The following SLC43A2 variants were observed in gnomAD, a reference collection of about 807,000 sequenced individuals.
SLC43A2 encodes large neutral amino acids transporter small subunit 4.
A neutral mutation model predicts 63.2 loss-of-function variants in SLC43A2; 38 were observed. That is an observed-to-expected ratio of 0.60 (90% CI 0.46 to 0.79). SLC43A2 has a LOEUF of 0.79. SLC43A2 is among the 30% of genes least tolerant of loss of function. SLC43A2 has a pLI of 0.00. For missense variants in SLC43A2, 644 were observed against 756.2 expected (o/e 0.85, Z 1.74); for synonymous variants, 322 against 331.0 (o/e 0.97, Z 0.30).
intron 10 of SLC43A2, among the ~76,000 whole-genome samples, chr17:1,584,452 A>G (rs1598439589): frequency 6.6e-6 from 1 of 152,108 alleles, no homozygotes; most frequent in East Asian, 1.9e-4. Context: ...GATACTGTGC[A>G]TGGAGTCCTC....
chr17:1,600,100 C>CT (rs200335951), intron 5 of SLC43A2, among the ~76,000 whole-genome samples: 1,816 of 88,752 alleles, frequency 0.02, 19 homozygotes, highest in African/African-American at 0.03. Flanking sequence ...GTTAATCTTT[C>CT]TTTTTTTTTT....
intron 5 of SLC43A2, among the ~76,000 whole-genome samples, chr17:1,594,792 G>A (rs982363086): frequency 2.6e-5 from 4 of 151,632 alleles, no homozygotes; most frequent in Non-Finnish European, 4.4e-5. Flanking sequence ...GTTTCACCAC[G>A]TTAGCCAGGA....
Position 1,591,672 on chromosome 17 carries a change from TGAA to T in SLC43A2, c.619_621del (p.Phe207del), listed in dbSNP as rs1481479171. 7.0e-7 allele frequency: 1 copy of T among 1,432,364 alleles called. No individual in the cohort carries two copies. The allele number at this position is 1,432,364 out of a possible 1,614,324, so 88.7% of individuals were successfully genotyped here. On this transcript the variant is annotated inframe_deletion, in exon 7 of 14. Coordinates refer to ENST00000301335, the MANE Select transcript of SLC43A2 (RefSeq NM_152346.3). ...CCGGCCCAGACCACGAGGACGACGA[TGAA>T]GGAGACACCAGCATCATAGATGAGC... is the stretch of plus-strand genomic sequence containing the variant.
intron 2 of SLC43A2, among the ~76,000 whole-genome samples, 170 bp downstream of exon 2, chr17:1,627,545 G>C (rs553725295): frequency 2.6e-5 from 4 of 152,128 alleles, no homozygotes; most frequent in African/African-American, 9.7e-5. Flanking sequence ...CACAAAACAG[G>C]GGCAATGACA....
chr17:1,614,168 G>A (rs1467791332), intron 4 of SLC43A2, among the ~76,000 whole-genome samples: 9 of 152,220 alleles, frequency 5.9e-5, no homozygotes, highest in Admixed American at 1.3e-4. Flanking sequence ...GCGTGAACCC[G>A]GGAGGTGGAG....
chr17:1,624,477 T>C lies in SLC43A2; in HGVS notation c.160+3238A>G, dbSNP rs551046978. Among the ~76,000 whole-genome samples, 693 of 151,218 alleles carry C rather than the reference T, an allele frequency of 4.6e-3. 3 individuals are homozygous for C. The highest frequency in any genetic ancestry group is 0.016 in the African/African-American group (654 of 41,048). On this transcript the variant is annotated intron_variant, in intron 2 of 13. Transcript: ENST00000301335. Reference sequence around the variant, plus strand: ...CAGTGCTTTGGGAGGCCAAGGCGGGTGGATCACCTGAGGTCAGGAGTTCGA... The same window carrying C: ...CAGTGCTTTGGGAGGCCAAGGCGGGCGGATCACCTGAGGTCAGGAGTTCGA...
chr17:1,600,152 A>AT (rs1555541181), intron 5 of SLC43A2, among the ~76,000 whole-genome samples: 4 of 60,278 alleles, frequency 6.6e-5, no homozygotes, highest in Non-Finnish European at 9.7e-5. Flanking sequence ...ATATATATAT[A>AT]TTTTTTTTTT....
chr17:1,581,521 G>A (rs1483062976), intron 11 of SLC43A2, among the ~76,000 whole-genome samples: 1 of 152,196 alleles, frequency 6.6e-6, no homozygotes, highest in African/African-American at 2.4e-5. Flanking sequence ...GCACACCTGG[G>A]TGTTCAACGT....
chr17:1,572,267 C>G lies in SLC43A2; in HGVS notation c.*3337G>C. On this transcript the variant is annotated 3_prime_UTR_variant, in exon 14 of 14. Coordinates refer to ENST00000301335, the MANE Select transcript of SLC43A2 (RefSeq NM_152346.3). ...GACCCCCCTGCCACAGAGGCCCCCCCCCCGCCACAGAGGTCCCCCCTGCCA... is the reference window on the plus strand; with the variant it reads ...GACCCCCCTGCCACAGAGGCCCCCCGCCCGCCACAGAGGTCCCCCCTGCCA... The G allele has an allele frequency of 6.9e-6, 1 of 144,144 alleles. No individual in the cohort carries two copies. Among genetic ancestry groups the G allele is most frequent in the East Asian group, 2.2e-4 (1 of 4,478 alleles). The allele number at this position is 144,144 out of a possible 1,614,324, so 8.9% of individuals were successfully genotyped here.
At position 1,627,726 on chromosome 17, in the gene SLC43A2, C is replaced by T; in HGVS notation, c.149G>A (p.Cys50Tyr). Residue 50 changes from cysteine (C) to tyrosine (Y), a missense_variant, in exon 2 of 14, where the codon TGT becomes TAT. Physicochemically the swap from Cys to Tyr is radical, Grantham distance 194. Around this residue, in one of 3 missense-constraint regions of SLC43A2, gnomAD observed 528 missense variants for 623.6 expected, o/e 0.85. Transcript: ENST00000301335. ...GGCGCTTGTCTCACCTGGCTCGGTA[C>T]ACAGGTAGGAGTAAAAGCCCTCTGA... ...LKSEGFYSYL[C>Y]TEPENVTNGT... 2 of 1,493,620 alleles carry T rather than the reference C, an allele frequency of 1.3e-6. No individual in the cohort carries two copies. Among genetic ancestry groups the T allele is most frequent in the Non-Finnish European group, 1.8e-6 (2 of 1,110,696 alleles). The allele number at this position is 1,493,620 out of a possible 1,614,324, so 92.5% of individuals were successfully genotyped here. A position where few individuals can be genotyped will look rare whatever the true frequency, so the allele number is the denominator to read the frequency against.
At chr17:1,629,554 G>C (rs547435055), upstream of SLC43A2, among the ~76,000 whole-genome samples, 178 of 152,336 alleles carry the variant, frequency 1.2e-3, no homozygotes, top group Non-Finnish European at 2.0e-3. Flanking sequence ...TTTGGGGCTG[G>C]TCTGTCCCGT....
intron 5 of SLC43A2, among the ~76,000 whole-genome samples, chr17:1,600,135 A>AATATATATATATATATAT (rs546467041): frequency 7.7e-4 from 37 of 47,886 alleles, no homozygotes; most frequent in African/African-American, 1.4e-3. Flanking sequence ...ATATTAATTG[A>AATATATATATATATATAT]ATATATATAT....
chr17:1,580,874 A>G (rs1433614487), intron 11 of SLC43A2, among the ~76,000 whole-genome samples: 1 of 151,992 alleles, frequency 6.6e-6, no homozygotes, highest in Non-Finnish European at 1.5e-5. Flanking sequence ...AGTAGCTGGG[A>G]CTACAGGTGC....
chr17:1,604,627 G>C (rs1297346641), intron 5 of SLC43A2: 6 of 1,154,990 alleles, frequency 5.2e-6, no homozygotes, highest in Non-Finnish European at 7.3e-6. Context: ...GCCCACCTCA[G>C]CCTCCTGAGC....
intron 2 of SLC43A2, 60 bp downstream of exon 2, chr17:1,627,655 C>CCCCCCCCACCCCAAA: frequency 1.5e-6 from 1 of 665,282 alleles, no homozygotes; most frequent in South Asian, 2.6e-5. Context: ...CGCCCCCATC[C>CCCCCCCCACCCCAAA]CGCCCCCTCC....
chr17:1,592,543 G>A (rs1283890497), intron 6 of SLC43A2, among the ~76,000 whole-genome samples: 8 of 152,164 alleles, frequency 5.3e-5, no homozygotes, highest in Admixed American at 5.2e-4. Flanking sequence ...CCACTTCAAT[G>A]CCCAGGTGGC....
chr17:1,590,351 G>T (rs1046802349), intron 9 of SLC43A2, among the ~76,000 whole-genome samples: 6 of 152,078 alleles, frequency 3.9e-5, no homozygotes, highest in Non-Finnish European at 5.9e-5. Context: ...GCAGATCCCA[G>T]TGTGGGCCAG....
rs1411548252 is a variant in SLC43A2 at position 1,616,591 on chromosome 17, A to T, written c.339T>A (p.Tyr113Ter). 4.3e-6 allele frequency: 7 copies of T among 1,613,572 alleles called. No individual in the cohort carries two copies. Among genetic ancestry groups the T allele is most frequent in the Non-Finnish European group, 5.9e-6 (7 of 1,179,832 alleles). ...TLPLGIVMDK[Y>*]GPRKLRLLGS... ...CCAGCAGCCTGAGCTTCCTCGGGCCATACTTGTCCATGACGATACCCAGGG... is the reference window on the plus strand; with the variant it reads ...CCAGCAGCCTGAGCTTCCTCGGGCCTTACTTGTCCATGACGATACCCAGGG... The change falls in exon 3 of 14, where the codon TAT (tyrosine) becomes TAA (stop). Residue 113 changes from tyrosine (Y) to a stop codon, truncating the protein, a stop_gained. Coordinates refer to ENST00000301335, the MANE Select transcript of SLC43A2 (RefSeq NM_152346.3). LOFTEE classifies it high-confidence loss of function.
rs184135112 is a variant in SLC43A2, at chr17:1,599,815, C to T, written c.502-6536G>A. Among the ~76,000 whole-genome samples, 1,023 of 151,560 alleles carry T rather than the reference C, an allele frequency of 6.7e-3. 20 individuals are homozygous for T. The highest frequency in any genetic ancestry group is 0.023 in the African/African-American group (934 of 41,280). ...ATCCCAGCACTTTGGGAAGCTGAGG[C>T]GGGTGGATCATGAGGTCAGGAGATC... On this transcript the variant is annotated intron_variant, in intron 5 of 13. Transcript: ENST00000301335.
Sources: gnomAD v4.1 joint callset for allele counts (sites outside exome capture counted in the v4.1 genomes callset) on GRCh38, gnomAD v4.1.1 for gene constraint, gnomAD v4.1.1 regional missense constraint, MANE v1.5 for transcripts, NCBI Gene and HGNC (gene_info 2026-07-23, HGNC 2026-07-21) for gene names.